The following SENP5 variants were observed in gnomAD, a reference collection of about 807,000 sequenced individuals.
SENP5 encodes the protein SUMO specific peptidase 5.
Under a neutral mutation model 74.2 loss-of-function variants are expected in SENP5, and 21 were observed. That is an observed-to-expected ratio of 0.28 (90% CI 0.20 to 0.41). The LOEUF (loss-of-function observed/expected upper bound fraction) is 0.41. Ranked by LOEUF, SENP5 falls within the 10% of genes least tolerant of loss-of-function variation. The pLI, the probability that SENP5 is intolerant of heterozygous loss-of-function variation, is 1.00. For missense variants in SENP5, 717 were observed against 889.1 expected, an observed-to-expected ratio of 0.81 and a Z score of 2.46; for synonymous variants, 311 against 312.7, an observed-to-expected ratio of 0.99 and a Z score of 0.06.
intron 6 of SENP5, chr3:196,914,431 T>A (rs1189784376): frequency 6.6e-6 from 1 of 151,214 alleles, no homozygotes; most frequent in Non-Finnish European, 1.5e-5. Context: ...ATATTGTGAT[T>A]GATGTCTCCC....
intron 5 of SENP5, among the ~76,000 whole-genome samples, chr3:196,901,902 T>C (rs1019841139): frequency 3.3e-5 from 5 of 152,218 alleles, no homozygotes; most frequent in Non-Finnish European, 5.9e-5. Context: ...ATGGTCCCCA[T>C]ACTAGCAGCA....
chr3:196,910,005 C>T (rs952190521), intron 6 of SENP5, among the ~76,000 whole-genome samples: 7 of 152,140 alleles, frequency 4.6e-5, no homozygotes, highest in Non-Finnish European at 7.4e-5. Flanking sequence ...AAAATGCCAT[C>T]GTCTCAGCCC....
Position 196,933,601 on chromosome 3 carries a change from C to G in SENP5, c.*2678C>G, listed in dbSNP as rs1019137698. 1 of 151,564 alleles carries G rather than the reference C, an allele frequency of 6.6e-6. No individual in the cohort carries two copies. Among genetic ancestry groups the G allele is most frequent in the African/African-American group, 2.4e-5 (1 of 41,030 alleles). 9.4% of individuals were successfully genotyped at this position (151,564 alleles called of 1,614,324 possible). On this transcript the variant is annotated 3_prime_UTR_variant, in exon 10 of 10. Transcript: ENST00000323460. ...TTGGGTGCCCATGAGGTAGGCAGAC[C>G]TTATGCTTTTTTTTTTTGAGACGGA...
intron 5 of SENP5, among the ~76,000 whole-genome samples, 199 bp from the exon 6 acceptor site, chr3:196,903,334 C>T (rs886457555): frequency 5.3e-5 from 8 of 152,072 alleles, no homozygotes; most frequent in Non-Finnish European, 1.2e-4. Flanking sequence ...GAGACAGTGT[C>T]TCACCATGTT....
intron 7 of SENP5, 57 bp from the exon 8 acceptor site, chr3:196,927,738 TC>T: frequency 9.8e-7 from 1 of 1,025,120 alleles, no homozygotes; most frequent in Non-Finnish European, 1.5e-6. Context: ...ATGGGCATGT[TC>T]CATTTTTCAC....
chr3:196,909,225 G>A (rs2108846509), intron 6 of SENP5, among the ~76,000 whole-genome samples: 1 of 152,290 alleles, frequency 6.6e-6, no homozygotes, highest in East Asian at 1.9e-4. Context: ...GAAGTGGAAT[G>A]TCTGAATAGA....
At chr3:196,889,302 A>C (rs1299355640) in intron 2 of SENP5, among the ~76,000 whole-genome samples, 1 of 152,166 alleles carries the variant, frequency 6.6e-6, no homozygotes, top group African/African-American at 2.4e-5. Flanking sequence ...GAAAAGAATT[A>C]GCATTTACCC....
intron 1 of SENP5, among the ~76,000 whole-genome samples, chr3:196,872,742 C>G (rs1713271043): frequency 6.6e-6 from 1 of 152,176 alleles, no homozygotes; most frequent in African/African-American, 2.4e-5. Flanking sequence ...TCCTCACTTG[C>G]ACTAGACATG....
In SENP5 at chr3:196,932,010, C is replaced by A. The variant is rs535515180; in HGVS notation, c.*1087C>A. On this transcript the variant is annotated 3_prime_UTR_variant, in exon 10 of 10. Coordinates refer to ENST00000323460, the MANE Select transcript of SENP5 (RefSeq NM_152699.5). The stretch of plus-strand genomic sequence containing the variant: ...CTTTCTCCTGTCCCATTAGTGACCT[C>A]AGTAACATGCAGGGTACGTCTGGCT... 582 of 418,484 alleles carry A rather than the reference C, an allele frequency of 1.4e-3. 10 individuals are homozygous for A. The highest frequency in any genetic ancestry group is 9.6e-3 in the South Asian group (558 of 58,266). The allele number at this position is 418,484 out of a possible 1,614,324, so 25.9% of individuals were successfully genotyped here. A position where few individuals can be genotyped will look rare whatever the true frequency, so the allele number is the denominator to read the frequency against.
Position 196,931,097 on chromosome 3 carries a change from A to C in SENP5, c.*174A>C, listed in dbSNP as rs142291700. The C allele has an allele frequency of 1.7e-6, 1 of 582,208 alleles. No individual in the cohort carries two copies. The highest frequency in any genetic ancestry group is 1.9e-5 in the African/African-American group (1 of 53,524). The allele number at this position is 582,208 out of a possible 1,614,324, so 36.1% of individuals were successfully genotyped here. On this transcript the variant is annotated 3_prime_UTR_variant, in exon 10 of 10. Transcript: ENST00000323460. ...TTCATTTCTCCAGCTACCATGTACT[A>C]TTGTTTAATGTTCAGTTTGGTTTCA...
At chr3:196,876,445 G>C (rs1370509926) in intron 1 of SENP5, among the ~76,000 whole-genome samples, 1 of 151,534 alleles carries the variant, frequency 6.6e-6, no homozygotes, top group Middle Eastern at 3.2e-3. Flanking sequence ...GTGAACCCGG[G>C]AGGCGGAGCT....
intron 6 of SENP5, among the ~76,000 whole-genome samples, chr3:196,918,858 A>C (rs1387319398): frequency 6.6e-6 from 1 of 152,144 alleles, no homozygotes; most frequent in East Asian, 1.9e-4. Context: ...AAAAAAAGAG[A>C]GCAGAGTAGC....
intron 2 of SENP5, among the ~76,000 whole-genome samples, chr3:196,892,758 A>G (rs1014613831): frequency 7.2e-5 from 11 of 152,034 alleles, no homozygotes; most frequent in South Asian, 2.1e-4. Context: ...TTGATTCTCT[A>G]CGTCTATGAG....
intron 6 of SENP5, among the ~76,000 whole-genome samples, chr3:196,915,205 G>A (rs528348191): frequency 6.6e-6 from 1 of 152,198 alleles, no homozygotes; most frequent in African/African-American, 2.4e-5. Flanking sequence ...ACTGTGCTGG[G>A]GTCAGAGCCT....
chr3:196,875,233 A>C (rs1004496715), intron 1 of SENP5, among the ~76,000 whole-genome samples: 1 of 152,194 alleles, frequency 6.6e-6, no homozygotes, highest in Non-Finnish European at 1.5e-5. Flanking sequence ...GCTTTTGACA[A>C]ATGACAAGTC....
chr3:196,877,027 A>G (rs973646589), intron 1 of SENP5, among the ~76,000 whole-genome samples: 7 of 152,020 alleles, frequency 4.6e-5, no homozygotes, highest in Non-Finnish European at 1.0e-4. Flanking sequence ...AATTAAAACA[A>G]ATTTGCTTTT....
At chr3:196,873,641 C>T (rs1440142507) in intron 1 of SENP5, among the ~76,000 whole-genome samples, 1 of 151,666 alleles carries the variant, frequency 6.6e-6, no homozygotes, top group Non-Finnish European at 1.5e-5. Flanking sequence ...GAGATCAAGA[C>T]CATCCTGGCT....
Position 196,886,031 on chromosome 3 carries a change from G to A in SENP5, c.850G>A (p.Glu284Lys), listed in dbSNP as rs1713951537. The change falls in exon 2 of 10, where the codon GAG (glutamate) becomes AAG (lysine). Residue 284 changes from glutamate (E) to lysine (K), a missense_variant. Glu to Lys is a moderately conservative substitution (Grantham distance 56). Coordinates refer to ENST00000323460, the MANE Select transcript of SENP5 (RefSeq NM_152699.5). ...DHQETRRENG[E>K]GGSCSPFPSP... ...TCAAGAGACCCGTAGGGAGAACGGT[G>A]AGGGTGGCAGTTGCAGCCCATTTCC... The A allele has an allele frequency of 2.5e-6, 4 of 1,614,212 alleles. No homozygotes were observed. The highest frequency in any genetic ancestry group is 3.4e-6 in the Non-Finnish European group (4 of 1,180,040).
intron 3 of SENP5, 65 bp downstream of exon 3, chr3:196,899,836 T>C: frequency 6.4e-7 from 1 of 1,569,286 alleles, no homozygotes; most frequent in African/African-American, 1.4e-5. Flanking sequence ...GACTTTTCTC[T>C]TGATTTACAG....
Sources: gnomAD v4.1 joint callset for allele counts (sites outside exome capture counted in the v4.1 genomes callset) on GRCh38, gnomAD v4.1.1 for gene constraint, MANE v1.5 for transcripts, NCBI Gene and HGNC (gene_info 2026-07-23, HGNC 2026-07-21) for gene names.